The following RASGRP3 variants were observed in gnomAD, a reference collection of about 807,000 sequenced individuals.
RASGRP3 encodes ras guanyl-releasing protein 3.
In RASGRP3, 54 loss-of-function variants were observed where a neutral mutation model predicts 82.7. The ratio of observed to expected loss-of-function variants is 0.65; its 90% CI spans 0.52 to 0.82. The LOEUF is 0.82. RASGRP3 is among the 40% of genes least tolerant of loss of function. The pLI is 0.00. For synonymous variants in RASGRP3, 309 were observed against 300.5 expected (o/e 1.03, Z -0.29); for missense variants, 861 against 828.9 (o/e 1.04, Z -0.48).
intron 1 of RASGRP3, among the ~76,000 whole-genome samples, chr2:33,446,472 T>A (rs1009710714): frequency 2.3e-5 from 3 of 128,168 alleles, no homozygotes; most frequent in African/African-American, 8.9e-5. Flanking sequence ...TAGGGCAATT[T>A]TTTTTGGAAA....
chr2:33,499,459 G>A (rs1225965261), intron 1 of RASGRP3, among the ~76,000 whole-genome samples: 1 of 152,064 alleles, frequency 6.6e-6, no homozygotes, highest in African/African-American at 2.4e-5. Context: ...CTCGAAAGGT[G>A]AGGTGGGAGA....
rs566233853 is a variant in RASGRP3, at chr2:33,485,128, G to A, written c.-261+8421G>A. The stretch of plus-strand genomic sequence containing the variant: ...CAGGAAAATCACTTGAACCCAGGAG[G>A]CAGAGGTTGCGATGAGCCTAGATTG... On this transcript the variant is annotated intron_variant, in intron 1 of 17. Transcript: ENST00000403687. 1.6e-4 allele frequency among the ~76,000 whole-genome samples: 24 copies of A among 152,290 alleles called. No homozygotes were observed. The South Asian group carries it at 5.0e-3, about 32-fold the overall frequency.
At chr2:33,466,102 G>T (rs1666680848) in intron 2 of RASGRP3, among the ~76,000 whole-genome samples, 2 of 152,160 alleles carry the variant, frequency 1.3e-5, no homozygotes, top group South Asian at 4.1e-4. Flanking sequence ...CATCCATTCT[G>T]CAGCTCATGG....
At chr2:33,505,830 G>A (rs1257190144) in intron 1 of RASGRP3, among the ~76,000 whole-genome samples, 3 of 152,116 alleles carry the variant, frequency 2.0e-5, no homozygotes, top group African/African-American at 7.2e-5. Context: ...CAGGTGTCTA[G>A]CATGTATATA....
chr2:33,447,122 A>G (rs1466965201), intron 1 of RASGRP3, among the ~76,000 whole-genome samples: 1 of 151,852 alleles, frequency 6.6e-6, no homozygotes, highest in East Asian at 1.9e-4. Flanking sequence ...AAAAAAAAAA[A>G]AAGAGGGGGA....
Position 33,533,404 on chromosome 2 carries a change from A to G in RASGRP3, c.1084-919A>G, listed in dbSNP as rs1248453515. The G allele has an allele frequency of 3.3e-5, 5 of 152,222 alleles. No individual in the cohort carries two copies. The East Asian group carries it at 5.8e-4, about 18-fold the overall frequency. The allele number at this position is 152,222 out of a possible 1,614,324, so 9.4% of individuals were successfully genotyped here. ...TTCTGTCTCCGGGGCCCCTATGCAT[A>G]GTAATAATATAACTAATAACAAATG... On this transcript the variant is annotated intron_variant, in intron 10 of 17. Coordinates refer to ENST00000403687, the MANE Select transcript of RASGRP3 (RefSeq NM_001139488.2).
chr2:33,543,707 T>C, intron 13 of RASGRP3, 80 bp downstream of exon 13: 1 of 1,003,402 alleles, frequency 1.0e-6, no homozygotes, highest in Non-Finnish European at 1.5e-6. Flanking sequence ...GGGAAACTTG[T>C]AATTTGCATC....
chr2:33,451,063 G>A (rs1389805134), intron 2 of RASGRP3, among the ~76,000 whole-genome samples: 1 of 151,130 alleles, frequency 6.6e-6, no homozygotes, highest in Non-Finnish European at 1.5e-5. Context: ...GGATGGTCTC[G>A]ATCTCCTGAC....
At chr2:33,531,178 C>T (rs547579294) in intron 10 of RASGRP3, among the ~76,000 whole-genome samples, 10 of 152,224 alleles carry the variant, frequency 6.6e-5, no homozygotes, top group African/African-American at 2.4e-4. Context: ...CTAATGAAGA[C>T]TGAATCTGCA....
At position 33,489,254 on chromosome 2, in the gene RASGRP3, C is replaced by T. The variant is rs570067180; in HGVS notation, c.-261+12547C>T. On this transcript the variant is annotated intron_variant, in intron 1 of 17. Transcript: ENST00000403687. ...CTATGTGAAACAATTAAAAATCTCA[C>T]GCAAACATGCCTTCAAAGACACTTT... Among the ~76,000 whole-genome samples, 15 of 152,314 alleles carry T rather than the reference C, an allele frequency of 9.8e-5. No individual in the cohort carries two copies. The South Asian group carries it at 1.7e-3, about 17-fold the overall frequency.
intron 13 of RASGRP3, among the ~76,000 whole-genome samples, chr2:33,546,372 A>G (rs950291742): frequency 4.0e-5 from 6 of 151,398 alleles, no homozygotes; most frequent in Non-Finnish European, 5.9e-5. Context: ...GCAGTGAGCC[A>G]AGATCGCACC....
intron 1 of RASGRP3, among the ~76,000 whole-genome samples, chr2:33,492,206 G>T (rs191904956): frequency 6.6e-6 from 1 of 152,152 alleles, no homozygotes; most frequent in Non-Finnish European, 1.5e-5. Flanking sequence ...AAATGACATC[G>T]AGTGGTAGAA....
chr2:33,478,123 A>G (rs866844317), intron 1 of RASGRP3, among the ~76,000 whole-genome samples: 1 of 152,176 alleles, frequency 6.6e-6, no homozygotes. Context: ...TTCCCTCAGC[A>G]CAGTGGGTCT....
At chr2:33,507,150 C>T (rs1470588097) in intron 1 of RASGRP3, among the ~76,000 whole-genome samples, 1 of 152,218 alleles carries the variant, frequency 6.6e-6, no homozygotes, top group African/African-American at 2.4e-5. Context: ...AATTCCAGCA[C>T]TTTGGGAGGC....
chr2:33,529,686 A>G (rs1015662977), intron 10 of RASGRP3, among the ~76,000 whole-genome samples: 1 of 152,108 alleles, frequency 6.6e-6, no homozygotes, highest in Non-Finnish European at 1.5e-5. Context: ...CCTAGATGTG[A>G]GACCTTGCTT....
At chr2:33,500,954 A>T (rs1405837862) in intron 1 of RASGRP3, among the ~76,000 whole-genome samples, 1 of 152,184 alleles carries the variant, frequency 6.6e-6, no homozygotes, top group Non-Finnish European at 1.5e-5. Flanking sequence ...TAAATAAAAT[A>T]AAGTGCACAG....
At chr2:33,453,416 C>T (rs532240869) in intron 2 of RASGRP3, among the ~76,000 whole-genome samples, 8 of 152,292 alleles carry the variant, frequency 5.3e-5, no homozygotes, top group Admixed American at 3.9e-4. Context: ...AATACTATTG[C>T]ACCATCTTGC....
chr2:33,539,414 C>A, intron 12 of RASGRP3: 1 of 495,508 alleles, frequency 2.0e-6, no homozygotes. Context: ...TGTTGTCTCT[C>A]TTGCCCAGAT....
At chr2:33,440,364 G>A (rs1665160001) in intron 1 of RASGRP3, among the ~76,000 whole-genome samples, 1 of 152,228 alleles carries the variant, frequency 6.6e-6, no homozygotes, top group Non-Finnish European at 1.5e-5. Context: ...AGGTCAGAGA[G>A]ATTAAGTAAC....
Sources: gnomAD v4.1 joint callset for allele counts (sites outside exome capture counted in the v4.1 genomes callset) on GRCh38, gnomAD v4.1.1 for gene constraint, MANE v1.5 for transcripts, NCBI Gene and HGNC (gene_info 2026-07-23, HGNC 2026-07-21) for gene names.